BNC2: variants seen among roughly 807,000 people sequenced by gnomAD.
BNC2 encodes zinc finger protein basonuclin-2.
BNC2 carries 20 observed loss-of-function variants against 76.3 expected under a neutral mutation model. That is an observed-to-expected ratio of 0.26 (90% CI 0.18 to 0.38). The LOEUF is 0.38. Among genes scored for constraint, BNC2 ranks in the 10% least tolerant of loss-of-function variants. The pLI is 1.00. For missense variants in BNC2, 1,382 were observed against 1,399.8 expected, an observed-to-expected ratio of 0.99 and a Z score of 0.20; for synonymous variants, 582 against 514.8, an observed-to-expected ratio of 1.13 and a Z score of -1.77.
intron 3 of BNC2, among the ~76,000 whole-genome samples, chr9:16,627,454 A>G (rs566511273): frequency 6.6e-6 from 1 of 152,322 alleles, no homozygotes; most frequent in East Asian, 1.9e-4. Flanking sequence ...TCACAAGCTC[A>G]AAAACCTGGT....
chr9:16,674,654 C>T (rs769585592), intron 3 of BNC2, among the ~76,000 whole-genome samples: 22 of 152,140 alleles, frequency 1.4e-4, no homozygotes, highest in Non-Finnish European at 2.8e-4. Context: ...TCAGCTATAT[C>T]ATCTGTTTTT....
chr9:16,696,285 A>G (rs779937735), intron 3 of BNC2, among the ~76,000 whole-genome samples: 4 of 152,192 alleles, frequency 2.6e-5, no homozygotes, highest in African/African-American at 4.8e-5. Flanking sequence ...CTGCCTTTCC[A>G]GCTTTATCTT....
intron 4 of BNC2, among the ~76,000 whole-genome samples, chr9:16,565,928 A>G (rs1356303403): frequency 1.3e-5 from 2 of 150,404 alleles, no homozygotes; most frequent in Non-Finnish European, 1.5e-5. Context: ...GGCAAAGCCA[A>G]TTCGGCCAGG....
In BNC2 at chr9:16,418,761, C is replaced by T; in HGVS notation, c.*228G>A. 3.7e-6 allele frequency: 2 copies of T among 541,244 alleles called. No individual in the cohort carries two copies. The highest frequency in any genetic ancestry group is 6.6e-6 in the Non-Finnish European group (2 of 304,352). The allele number at this position is 541,244 out of a possible 1,614,324, so 33.5% of individuals were successfully genotyped here. On this transcript the variant is annotated 3_prime_UTR_variant, in exon 7 of 7. Transcript: ENST00000380672. ...CACCCTGAAATCAAAGATCCCACTC[C>T]TTTCCCAAAACTATAAAGGGAAGTG... is the stretch of plus-strand genomic sequence containing the variant.
At chr9:16,808,737 T>C (rs939469630) in intron 1 of BNC2, among the ~76,000 whole-genome samples, 1 of 151,152 alleles carries the variant, frequency 6.6e-6, no homozygotes, top group African/African-American at 2.4e-5. Context: ...ATTTATAAAA[T>C]AGAAAAAAAT....
At chr9:16,792,381 T>A (rs116009048) in intron 1 of BNC2, among the ~76,000 whole-genome samples, 34 of 152,204 alleles carry the variant, frequency 2.2e-4, no homozygotes, top group Non-Finnish European at 7.3e-5. Flanking sequence ...CACTAACTTA[T>A]CTGCTTTCCT....
At chr9:16,819,524 G>A (rs1432631066) in intron 1 of BNC2, among the ~76,000 whole-genome samples, 3 of 151,982 alleles carry the variant, frequency 2.0e-5, no homozygotes, top group Non-Finnish European at 4.4e-5. Flanking sequence ...TTAGCCAGGT[G>A]TGGTGGTGTG....
intron 1 of BNC2, among the ~76,000 whole-genome samples, chr9:16,781,337 T>A (rs1163330316): frequency 6.6e-6 from 1 of 151,988 alleles, no homozygotes; most frequent in Non-Finnish European, 1.5e-5. Context: ...ATAACTTTAT[T>A]ATTATTATTA....
At chr9:16,720,216 T>C (rs1824110771) in intron 3 of BNC2, among the ~76,000 whole-genome samples, 1 of 152,220 alleles carries the variant, frequency 6.6e-6, no homozygotes, top group Non-Finnish European at 1.5e-5. Context: ...TCTGCCAGAA[T>C]GATGTATTGG....
intron 5 of BNC2, among the ~76,000 whole-genome samples, chr9:16,515,707 G>A (rs1474635724): frequency 2.8e-5 from 4 of 142,266 alleles, no homozygotes; most frequent in African/African-American, 1.0e-4. Flanking sequence ...CAGAGAAAAA[G>A]GTACAATTTG....
chr9:16,665,403 A>AGAGAGG (rs1554702331), intron 3 of BNC2, among the ~76,000 whole-genome samples: 1 of 113,674 alleles, frequency 8.8e-6, no homozygotes. Flanking sequence ...AGAGAGAGAG[A>AGAGAGG]AAGAGAGAAA....
At chr9:16,475,196 TAGC>T (rs1821903046) in intron 5 of BNC2, among the ~76,000 whole-genome samples, 1 of 152,180 alleles carries the variant, frequency 6.6e-6, no homozygotes, top group Admixed American at 6.5e-5. Context: ...GCCATAATGT[TAGC>T]AGGGGTTAAT....
intron 1 of BNC2, among the ~76,000 whole-genome samples, chr9:16,808,072 A>G (rs1046020206): frequency 1.3e-5 from 2 of 152,222 alleles, no homozygotes; most frequent in Non-Finnish European, 2.9e-5. Context: ...TATGTTAATT[A>G]TATGAGTATT....
chr9:16,699,299 G>C (rs565740298), intron 3 of BNC2: 1 of 440,692 alleles, frequency 2.3e-6, no homozygotes, highest in South Asian at 1.7e-5. Context: ...CAGGCCAACA[G>C]AATAGTCCCT....
At chr9:16,763,481 G>C (rs1586864200) in intron 1 of BNC2, among the ~76,000 whole-genome samples, 1 of 151,866 alleles carries the variant, frequency 6.6e-6, no homozygotes, top group African/African-American at 2.4e-5. Flanking sequence ...GAGGCAGAAG[G>C]ATCACTTGAG....
intron 6 of BNC2, among the ~76,000 whole-genome samples, chr9:16,427,587 A>C (rs192343824): frequency 6.6e-5 from 10 of 152,366 alleles, no homozygotes; most frequent in Admixed American, 6.5e-4. Context: ...TTTAATCAAA[A>C]TTTAGAAACT....
chr9:16,566,142 A>G (rs1265079167), intron 4 of BNC2, among the ~76,000 whole-genome samples: 2 of 152,100 alleles, frequency 1.3e-5, no homozygotes, highest in Non-Finnish European at 2.9e-5. Flanking sequence ...GCTCCCTCAT[A>G]TAAGAGGAAA....
At chr9:16,769,775 A>G (rs1012433077) in intron 1 of BNC2, among the ~76,000 whole-genome samples, 4 of 152,200 alleles carry the variant, frequency 2.6e-5, no homozygotes, top group Non-Finnish European at 4.4e-5. Context: ...TAAGCACTGG[A>G]TAACAGCAAG....
chr9:16,514,421 G>C (rs1206599091), intron 5 of BNC2, among the ~76,000 whole-genome samples: 1 of 152,168 alleles, frequency 6.6e-6, no homozygotes, highest in Non-Finnish European at 1.5e-5. Flanking sequence ...AGGGAGATCA[G>C]AATGATGAGC....
Sources: gnomAD v4.1 joint callset for allele counts (sites outside exome capture counted in the v4.1 genomes callset) on GRCh38, gnomAD v4.1.1 for gene constraint, MANE v1.5 for transcripts, NCBI Gene and HGNC (gene_info 2026-07-23, HGNC 2026-07-21) for gene names.